The following BRI3BP variants were observed in gnomAD, a reference collection of about 807,000 sequenced individuals.
The protein encoded by BRI3BP is BRI3 binding protein.
BRI3BP carries 7 observed loss-of-function variants against 15.8 expected under a neutral mutation model. The observed-to-expected ratio is 0.44, with a 90% CI of 0.25 to 0.83. BRI3BP has a LOEUF of 0.83. Among genes scored for constraint, BRI3BP ranks in the 40% least tolerant of loss-of-function variants. BRI3BP has a pLI of 0.20. For synonymous variants in BRI3BP, 192 were observed against 163.5 expected (o/e 1.17, Z -1.33); for missense variants, 320 against 339.3 (o/e 0.94, Z 0.45).
At chr12:124,999,195 G>C (rs184607943) in intron 1 of BRI3BP, among the ~76,000 whole-genome samples, 1 of 152,108 alleles carries the variant, frequency 6.6e-6, no homozygotes, top group Admixed American at 6.6e-5. Context: ...ATGCCAGGTC[G>C]AGAAACTAGT....
chr12:125,019,660 C>CTTTTTTTTT lies in BRI3BP; in HGVS notation c.317-5325_317-5324insTTTTTTTTT, dbSNP rs1955278838. On this transcript the variant is annotated intron_variant, in intron 2 of 2. Transcript: ENST00000341446. Reference sequence around the variant, plus strand: ...CTTTTTTTTTTTTTTTTTTTTTTGCCTTTTTTGCTGTGAGTACTTGAAAAT... The same window carrying CTTTTTTTTT: ...CTTTTTTTTTTTTTTTTTTTTTTGCCTTTTTTTTTTTTTTTGCTGTGAGTACTTGAAAAT... Among the ~76,000 whole-genome samples the CTTTTTTTTT allele has an allele frequency of 1.8e-3, 45 of 24,712 alleles. 4 individuals carry two copies. Among genetic ancestry groups the CTTTTTTTTT allele is most frequent in the South Asian group, 6.8e-3 (4 of 586 alleles). 16.2% of individuals were successfully genotyped at this position (24,712 alleles called of 152,430 possible). A position where few individuals can be genotyped will look rare whatever the true frequency, so the allele number is the denominator to read the frequency against.
downstream of BRI3BP, among the ~76,000 whole-genome samples, chr12:125,033,451 G>A (rs1955420629): frequency 6.6e-6 from 1 of 152,108 alleles, no homozygotes; most frequent in African/African-American, 2.4e-5. Flanking sequence ...ATGAGTGCTC[G>A]TCAAAGCCGA....
At chr12:125,016,507 T>A (rs1320504651) in intron 2 of BRI3BP, among the ~76,000 whole-genome samples, 7 of 148,780 alleles carry the variant, frequency 4.7e-5, no homozygotes, top group Non-Finnish European at 1.0e-4. Flanking sequence ...TTTTCTTCCT[T>A]TTTTGGGGGG....
intron 2 of BRI3BP, among the ~76,000 whole-genome samples, chr12:125,018,748 C>T (rs1426505097): frequency 8.0e-5 from 12 of 150,740 alleles, no homozygotes; most frequent in African/African-American, 2.4e-4. Context: ...GGCGCTATCT[C>T]GGCTCACTGC....
intron 1 of BRI3BP, among the ~76,000 whole-genome samples, chr12:125,003,254 C>T (rs11057976): frequency 1.3e-5 from 2 of 152,004 alleles, no homozygotes; most frequent in Non-Finnish European, 1.5e-5. Context: ...CACCCAACCC[C>T]GGTGTTGGAT....
At chr12:124,997,208 A>T (rs1432611433) in intron 1 of BRI3BP, among the ~76,000 whole-genome samples, 38 of 37,658 alleles carry the variant, frequency 1.0e-3, no homozygotes, top group South Asian at 3.2e-3. Flanking sequence ...TTTTTGCTTT[A>T]CTTCTCTTTT....
intron 2 of BRI3BP, among the ~76,000 whole-genome samples, chr12:125,024,317 A>AC (rs35680662): frequency 0.49 from 68,718 of 140,228 alleles, 17,085 homozygotes; most frequent in African/African-American, 0.66. Flanking sequence ...TGATCCAATC[A>AC]CCCCCCACGA....
At chr12:124,997,101 C>G (rs4765013) in intron 1 of BRI3BP, among the ~76,000 whole-genome samples, 9,017 of 151,680 alleles carry the variant, frequency 0.059, 411 homozygotes, top group Admixed American at 0.14. Flanking sequence ...ACACCTATGA[C>G]CATCCTGTTT....
chr12:125,035,286 A>G (rs940799453), downstream of BRI3BP, among the ~76,000 whole-genome samples: 4 of 152,234 alleles, frequency 2.6e-5, no homozygotes, highest in Non-Finnish European at 5.9e-5. Flanking sequence ...GTAGCATTTT[A>G]CATTCCTACC....
At chr12:125,019,635 CT>C (rs1205730966) in intron 2 of BRI3BP, among the ~76,000 whole-genome samples, 112 of 33,070 alleles carry the variant, frequency 3.4e-3, no homozygotes, top group African/African-American at 6.1e-3. Context: ...TAATTCCACC[CT>C]TTTTTTTTTT....
intron 2 of BRI3BP, among the ~76,000 whole-genome samples, chr12:125,016,570 A>G (rs1021833043): frequency 1.3e-5 from 2 of 151,992 alleles, no homozygotes; most frequent in South Asian, 2.1e-4. Flanking sequence ...CTATTGCCCA[A>G]GCTGAAGTGC....
At chr12:125,049,149 G>A in the BRI3BP span, among the ~76,000 whole-genome samples, 1 of 152,066 alleles carries the variant, frequency 6.6e-6, no homozygotes, top group Middle Eastern at 3.2e-3. Context: ...TTTCAGTAAA[G>A]ACGGGATTTC....
chr12:125,048,320 A>G, the BRI3BP span, among the ~76,000 whole-genome samples: 1 of 152,198 alleles, frequency 6.6e-6, no homozygotes, highest in Non-Finnish European at 1.5e-5. Context: ...TCCTCAGCTC[A>G]TCAGATCTCA....
chr12:125,038,720 G>A, the BRI3BP span, among the ~76,000 whole-genome samples: 136 of 152,248 alleles, frequency 8.9e-4, no homozygotes, highest in Non-Finnish European at 1.8e-3. Context: ...AGCCGAGATC[G>A]TGCCATTGCA....
the BRI3BP span, among the ~76,000 whole-genome samples, chr12:125,040,288 G>A: frequency 2.0e-5 from 3 of 151,252 alleles, no homozygotes; most frequent in African/African-American, 2.4e-5. Context: ...GGACCATGCC[G>A]TTCTCATTAA....
chr12:125,033,654 C>T (rs1238474861), downstream of BRI3BP, among the ~76,000 whole-genome samples: 1 of 152,098 alleles, frequency 6.6e-6, no homozygotes, highest in African/African-American at 2.4e-5. Context: ...AAATAAGCCA[C>T]TAATCCATTG....
intron 2 of BRI3BP, among the ~76,000 whole-genome samples, chr12:125,022,079 TAAAA>T (rs57327862): frequency 2.6e-4 from 34 of 129,372 alleles, no homozygotes; most frequent in African/African-American, 5.9e-4. Context: ...GACCCTGTCT[TAAAA>T]AAAAAAAAAA....
chr12:125,009,622 G>GC (rs200333412), intron 1 of BRI3BP, among the ~76,000 whole-genome samples: 20,936 of 62,626 alleles, frequency 0.33, 1,534 homozygotes, highest in Admixed American at 0.41. Flanking sequence ...TTAGAGATGG[G>GC]GGGGGGGTCT....
chr12:125,018,671 C>CTT (rs1035589414), intron 2 of BRI3BP, among the ~76,000 whole-genome samples: 11 of 136,434 alleles, frequency 8.1e-5, no homozygotes, highest in South Asian at 2.4e-4. Flanking sequence ...AACTTCTGTT[C>CTT]TTTTTTTTTT....
Sources: allele counts gnomAD v4.1 joint callset (sites outside exome capture counted in the v4.1 genomes callset), GRCh38; gene constraint gnomAD v4.1.1; transcripts MANE v1.5; gene names NCBI Gene and HGNC (gene_info 2026-07-23, HGNC 2026-07-21).